EYA2: variants seen among roughly 807,000 people sequenced by gnomAD.
EYA2 encodes the protein protein phosphatase EYA2.
In EYA2, 31 loss-of-function variants were observed where a neutral mutation model predicts 69.2. The observed-to-expected ratio is 0.45, with a 90% CI of 0.34 to 0.60. The LOEUF is 0.60. EYA2 is among the 20% of genes least tolerant of loss of function. EYA2 has a pLI of 0.02. For missense variants in EYA2, 622 were observed against 701.2 expected (o/e 0.89, Z 1.28); for synonymous variants, 257 against 279.4 (o/e 0.92, Z 0.80).
intron 1 of EYA2, among the ~76,000 whole-genome samples, chr20:46,905,569 C>T (rs1044555387): frequency 1.3e-5 from 2 of 152,162 alleles, no homozygotes; most frequent in Non-Finnish European, 2.9e-5. Flanking sequence ...GGATGAAATC[C>T]TTCAAGAATC....
chr20:47,164,342 C>T (rs2034136937), intron 10 of EYA2, among the ~76,000 whole-genome samples: 1 of 152,176 alleles, frequency 6.6e-6, no homozygotes, highest in African/African-American at 2.4e-5. Flanking sequence ...CCAACAATCC[C>T]CTTACAAATG....
intron 1 of EYA2, among the ~76,000 whole-genome samples, chr20:46,936,522 A>T (rs1017180296): frequency 2.0e-5 from 3 of 152,188 alleles, no homozygotes; most frequent in African/African-American, 7.2e-5. Context: ...TCTCAGAATC[A>T]TCATCATTAT....
intron 10 of EYA2, among the ~76,000 whole-genome samples, chr20:47,151,571 C>T (rs76494726): frequency 0.011 from 1,686 of 152,020 alleles, 36 homozygotes; most frequent in African/African-American, 0.039. Flanking sequence ...CCCCACCATT[C>T]TCCCCTCCTC....
intron 4 of EYA2, among the ~76,000 whole-genome samples, chr20:47,006,296 A>AT (rs1982710304): frequency 6.6e-6 from 1 of 152,232 alleles, no homozygotes; most frequent in African/African-American, 2.4e-5. Flanking sequence ...CTCACCCAAA[A>AT]CAACTGATCT....
chr20:47,186,830 T>A (rs2034652658), intron 15 of EYA2, among the ~76,000 whole-genome samples: 1 of 152,188 alleles, frequency 6.6e-6, no homozygotes, highest in Admixed American at 6.5e-5. Flanking sequence ...TAGTCTTATT[T>A]ATTATCTTTT....
intron 2 of EYA2, among the ~76,000 whole-genome samples, chr20:46,997,316 C>A (rs1982092456): frequency 6.6e-6 from 1 of 152,170 alleles, no homozygotes; most frequent in African/African-American, 2.4e-5. Flanking sequence ...CAGTCACCTC[C>A]CACCAGGCCC....
chr20:46,952,886 T>C lies in EYA2; in HGVS notation c.-10-37115T>C, dbSNP rs140658813. 3.0e-3 allele frequency among the ~76,000 whole-genome samples: 461 copies of C among 152,298 alleles called. 3 individuals carry two copies. The highest frequency in any genetic ancestry group is 0.01 in the African/African-American group (434 of 41,560). On this transcript the variant is annotated intron_variant, in intron 1 of 15. Transcript: ENST00000327619. ...ATTATCTTAAGATGCAAAGTGAAGG[T>C]GTTTTGCCCAGGGAAACTCTCTATC...
chr20:47,089,234 G>T lies in EYA2; in HGVS notation c.662-5G>T. The T allele has an allele frequency of 6.2e-7, 1 of 1,613,172 alleles. No homozygotes were observed. The highest frequency in any genetic ancestry group is 1.3e-5 in the African/African-American group (1 of 74,996). Reference sequence around the variant, plus strand: ...ATTTGTCCACCATTCCCTTTCTTACGCCAGGTGAATACAACACACACAATG... The same window carrying T: ...ATTTGTCCACCATTCCCTTTCTTACTCCAGGTGAATACAACACACACAATG... On this transcript the variant is annotated splice_polypyrimidine_tract_variant and splice_region_variant and intron_variant, in intron 7 of 15. Coordinates refer to ENST00000327619, the MANE Select transcript of EYA2 (RefSeq NM_005244.5).
chr20:47,004,538 C>G (rs529666921), intron 3 of EYA2, among the ~76,000 whole-genome samples: 3 of 152,328 alleles, frequency 2.0e-5, no homozygotes, highest in Admixed American at 2.0e-4. Context: ...AGGCAGCTCT[C>G]TCTCCTCCAC....
intron 15 of EYA2, 49 bp from the exon 16 acceptor site, chr20:47,188,004 G>T: frequency 6.5e-7 from 1 of 1,540,802 alleles, no homozygotes; most frequent in East Asian, 2.4e-5. Flanking sequence ...CGTGGAACCC[G>T]GGGGCAGGGG....
intron 7 of EYA2, among the ~76,000 whole-genome samples, chr20:47,082,962 A>C (rs56317112): frequency 0.12 from 17,962 of 151,750 alleles, 1,373 homozygotes; most frequent in Non-Finnish European, 0.17. Flanking sequence ...GGGAGGCCGA[A>C]GAGGGAGGAT....
intron 8 of EYA2, among the ~76,000 whole-genome samples, chr20:47,094,980 TG>T: frequency 6.6e-6 from 1 of 151,964 alleles, no homozygotes; most frequent in East Asian, 1.9e-4. Context: ...CTGCAGTGAG[TG>T]ATGATTACGC....
chr20:47,030,131 C>CT (rs1984322460), intron 5 of EYA2, among the ~76,000 whole-genome samples: 1 of 152,148 alleles, frequency 6.6e-6, no homozygotes, highest in Non-Finnish European at 1.5e-5. Flanking sequence ...GCTCTGTGTT[C>CT]TAGGGTCATA....
At chr20:47,125,804 G>A (rs1374460533) in intron 9 of EYA2, among the ~76,000 whole-genome samples, 1 of 152,134 alleles carries the variant, frequency 6.6e-6, no homozygotes, top group Non-Finnish European at 1.5e-5. Flanking sequence ...CTTGTAAACA[G>A]CTCCTTGGCG....
At chr20:47,074,051 C>G in intron 6 of EYA2, 107 bp from the exon 7 acceptor site, 1 of 1,098,214 alleles carries the variant, frequency 9.1e-7, no homozygotes, top group Non-Finnish European at 1.2e-6. Context: ...TTTCTGCCCA[C>G]AGAGAGCTTT....
intron 5 of EYA2, among the ~76,000 whole-genome samples, chr20:47,069,410 A>G (rs573287494): frequency 3.9e-5 from 6 of 152,228 alleles, no homozygotes; most frequent in African/African-American, 1.4e-4. Context: ...AATCACTTGA[A>G]CCTGAGAGGC....
At chr20:47,170,005 A>C (rs1237176182) in intron 11 of EYA2, among the ~76,000 whole-genome samples, 1 of 152,076 alleles carries the variant, frequency 6.6e-6, no homozygotes, top group Non-Finnish European at 1.5e-5. Flanking sequence ...TCCCAGGCTC[A>C]AGCAATTCTC....
rs1404848934 is a variant in EYA2 at position 46,958,161 on chromosome 20, A to G, written c.-10-31840A>G. ...AGTGATGGCATTTTTTGCTTAAGCTAGAACTCGAGTCTGGTAAATGGGTTC... is the reference window on the plus strand; with the variant it reads ...AGTGATGGCATTTTTTGCTTAAGCTGGAACTCGAGTCTGGTAAATGGGTTC... On this transcript the variant is annotated intron_variant, in intron 1 of 15. Coordinates refer to ENST00000327619, the MANE Select transcript of EYA2 (RefSeq NM_005244.5). 2.0e-5 allele frequency among the ~76,000 whole-genome samples: 3 copies of G among 152,196 alleles called. No homozygotes were observed. In the South Asian group the frequency reaches 6.2e-4, roughly 32 times the overall value.
At chr20:46,991,260 C>G (rs1448920357) in intron 2 of EYA2, among the ~76,000 whole-genome samples, 1 of 152,214 alleles carries the variant, frequency 6.6e-6, no homozygotes, top group Non-Finnish European at 1.5e-5. Flanking sequence ...CCCGTAGTAA[C>G]AGGAAAGGAC....
Sources: allele counts gnomAD v4.1 joint callset (sites outside exome capture counted in the v4.1 genomes callset), GRCh38; gene constraint gnomAD v4.1.1; transcripts MANE v1.5; gene names NCBI Gene and HGNC (gene_info 2026-07-23, HGNC 2026-07-21).